The following GRB14 variants were observed in gnomAD, a reference collection of about 807,000 sequenced individuals.
The protein encoded by GRB14 is growth factor receptor bound protein 14.
GRB14 carries 38 observed loss-of-function variants against 69.1 expected under a neutral mutation model. The observed-to-expected ratio is 0.55, with a 90% CI of 0.42 to 0.72. GRB14 has a LOEUF of 0.72. Ranked by LOEUF, GRB14 falls within the 30% of genes least tolerant of loss-of-function variation. The pLI is 0.00. For missense variants in GRB14, 666 were observed against 666.1 expected, an observed-to-expected ratio of 1.00 and a Z score of 0.00; for synonymous variants, 247 against 241.3, an observed-to-expected ratio of 1.02 and a Z score of -0.22.
At chr2:164,549,071 G>A (rs1688459983) in intron 2 of GRB14, among the ~76,000 whole-genome samples, 1 of 151,900 alleles carries the variant, frequency 6.6e-6, no homozygotes, top group African/African-American at 2.4e-5. Flanking sequence ...AGTAGAGACG[G>A]GCTTTCGCCA....
At chr2:164,544,367 A>C (rs1688312858) in intron 3 of GRB14, among the ~76,000 whole-genome samples, 1 of 152,180 alleles carries the variant, frequency 6.6e-6, no homozygotes, top group African/African-American at 2.4e-5. Flanking sequence ...CTGAACTGCA[A>C]AGCTATTTGT....
At chr2:164,595,889 G>A (rs1255047787) in intron 2 of GRB14, among the ~76,000 whole-genome samples, 10 of 152,146 alleles carry the variant, frequency 6.6e-5, no homozygotes, top group African/African-American at 1.9e-4. Context: ...ACTTTGGGAG[G>A]CCAAGGCGGG....
At chr2:164,565,078 T>G (rs548489212) in intron 2 of GRB14, among the ~76,000 whole-genome samples, 1 of 152,278 alleles carries the variant, frequency 6.6e-6, no homozygotes, top group African/African-American at 2.4e-5. Context: ...GAAATATGCC[T>G]GACCCACCGA....
At chr2:164,606,859 G>A (rs1488742028) in intron 2 of GRB14, among the ~76,000 whole-genome samples, 1 of 152,166 alleles carries the variant, frequency 6.6e-6, no homozygotes, top group Non-Finnish European at 1.5e-5. Flanking sequence ...TGTTTCACAC[G>A]CATATGTCAC....
At chr2:164,554,300 ACATTTCCAGTGCAGTGG>A (rs1688622758) in intron 2 of GRB14, among the ~76,000 whole-genome samples, 1 of 152,322 alleles carries the variant, frequency 6.6e-6, no homozygotes, top group South Asian at 2.1e-4. Flanking sequence ...AGGATATTAT[ACATTTCCAGTGCAGTGG>A]CCCAAATTCA....
chr2:164,531,990 G>C (rs2105294146), intron 3 of GRB14, among the ~76,000 whole-genome samples: 1 of 152,268 alleles, frequency 6.6e-6, no homozygotes, highest in South Asian at 2.1e-4. Context: ...AATGTGGAAG[G>C]ACTAAAGGAA....
rs1316209381 is a variant in GRB14, at chr2:164,621,164, G to A, written c.146C>T (p.Ala49Val). The change falls in exon 1 of 14, where the codon GCG becomes GTG. Residue 49 changes from alanine (A) to valine (V), a missense_variant. Ala to Val is a moderately conservative substitution (Grantham distance 64). Transcript: ENST00000263915. The surrounding 1 kb of genome is among the most constrained non-coding windows in gnomAD (Gnocchi z 6.0). Reference protein sequence around the residue: ...LAPAPWLHARALLPLPDGTRG... With the variant: ...LAPAPWLHARVLLPLPDGTRG... ...GGTCCCGTCCGGAAGGGGCAGGAGCGCTCGCGCGTGCAGCCAGGGGGCCGG... is the reference window on the plus strand; with the variant it reads ...GGTCCCGTCCGGAAGGGGCAGGAGCACTCGCGCGTGCAGCCAGGGGGCCGG... 4 of 1,244,500 alleles carry A rather than the reference G, an allele frequency of 3.2e-6. No individual in the cohort carries two copies. The highest frequency in any genetic ancestry group is 4.0e-6 in the Non-Finnish European group (4 of 988,146). 77.1% of individuals were successfully genotyped at this position (1,244,500 alleles called of 1,614,324 possible).
At chr2:164,588,097 A>T (rs1689578654) in intron 2 of GRB14, among the ~76,000 whole-genome samples, 1 of 152,216 alleles carries the variant, frequency 6.6e-6, no homozygotes. Flanking sequence ...GTCAACTGTT[A>T]ACAGATAAAT....
chr2:164,558,105 G>C (rs1688725345), intron 2 of GRB14, among the ~76,000 whole-genome samples: 1 of 152,156 alleles, frequency 6.6e-6, no homozygotes, highest in South Asian at 2.1e-4. Context: ...CTGCAGGCAA[G>C]AAGAGGCTCA....
At chr2:164,545,056 TCAAA>T (rs1215791537) in intron 3 of GRB14, among the ~76,000 whole-genome samples, 2 of 152,208 alleles carry the variant, frequency 1.3e-5, no homozygotes, top group African/African-American at 2.4e-5. Flanking sequence ...CTTGAATGCA[TCAAA>T]CAAAGGGACG....
chr2:164,575,400 G>A (rs1008522034), intron 2 of GRB14, among the ~76,000 whole-genome samples: 6 of 151,984 alleles, frequency 3.9e-5, no homozygotes, highest in Non-Finnish European at 8.8e-5. Flanking sequence ...ATCAATCATG[G>A]TACTAAATTC....
chr2:164,497,587 A>G (rs1311939855), intron 9 of GRB14, 97 bp from the exon 10 acceptor site: 7 of 835,224 alleles, frequency 8.4e-6, no homozygotes, highest in Admixed American at 4.6e-5. Flanking sequence ...TTTTTCTCTC[A>G]GTGTTTTTCT....
At chr2:164,593,444 T>A (rs1171207893) in intron 2 of GRB14, among the ~76,000 whole-genome samples, 1 of 152,134 alleles carries the variant, frequency 6.6e-6, no homozygotes, top group Non-Finnish European at 1.5e-5. Context: ...AATTTTAAAA[T>A]GCCTTGAGCA....
At chr2:164,589,129 T>A (rs747753764) in intron 2 of GRB14, among the ~76,000 whole-genome samples, 34 of 152,232 alleles carry the variant, frequency 2.2e-4, no homozygotes, top group Non-Finnish European at 3.8e-4. Context: ...TGTGTACATT[T>A]ACAGACATTT....
intron 2 of GRB14, among the ~76,000 whole-genome samples, chr2:164,565,802 A>G (rs914655251): frequency 1.3e-5 from 2 of 152,206 alleles, no homozygotes; most frequent in Non-Finnish European, 2.9e-5. Context: ...TTTACTTGAT[A>G]GAGAATCTAC....
rs527575136 is a variant in GRB14 at position 164,584,964 on chromosome 2, T to C, written c.324+34723A>G. Among the ~76,000 whole-genome samples, 3 of 149,144 alleles carry C rather than the reference T, an allele frequency of 2.0e-5. No individual in the cohort carries two copies. The South Asian group carries it at 6.3e-4, about 32-fold the overall frequency. On this transcript the variant is annotated intron_variant, in intron 2 of 13. Transcript: ENST00000263915. ...TTTTGTTTTTGTGGTTTTTTTGAGA[T>C]GGAGTCTCACTCTGTTACCTAGGCT...
chr2:164,616,495 G>A (rs1690301877), intron 2 of GRB14, among the ~76,000 whole-genome samples: 1 of 150,296 alleles, frequency 6.7e-6, no homozygotes, highest in Admixed American at 6.6e-5. Context: ...AAAAATAATG[G>A]TACTGAAAGC....
At chr2:164,506,366 A>T (rs1238206005) in intron 8 of GRB14, among the ~76,000 whole-genome samples, 1 of 152,240 alleles carries the variant, frequency 6.6e-6, no homozygotes, top group East Asian at 1.9e-4. Flanking sequence ...AGCTTCATTT[A>T]AATCATTTGT....
chr2:164,544,873 G>A (rs1319860843), intron 3 of GRB14, among the ~76,000 whole-genome samples: 1 of 152,132 alleles, frequency 6.6e-6, no homozygotes, highest in South Asian at 2.1e-4. Context: ...TTTTCTAAAT[G>A]GTTCAGGGAA....
Sources: gnomAD v4.1 joint callset for allele counts (sites outside exome capture counted in the v4.1 genomes callset) on GRCh38, gnomAD v4.1.1 for gene constraint, Gnocchi (gnomAD v3.1) non-coding constraint, MANE v1.5 for transcripts, NCBI Gene and HGNC (gene_info 2026-07-23, HGNC 2026-07-21) for gene names.